SDK1: variants seen among roughly 807,000 people sequenced by gnomAD.
The protein encoded by SDK1 is sidekick cell adhesion molecule 1.
Under a neutral mutation model 245.5 loss-of-function variants are expected in SDK1, and 157 were observed. The ratio of observed to expected loss-of-function variants is 0.64; its 90% CI spans 0.56 to 0.73. SDK1 has a LOEUF of 0.73. SDK1 is among the 30% of genes least tolerant of loss of function. The probability of loss-of-function intolerance (pLI) is 0.00; values close to 1 mark genes in which losing one functional copy is unlikely to be tolerated. For synonymous variants in SDK1, 1,647 were observed against 1,278.5 expected, an observed-to-expected ratio of 1.29 and a Z score of -6.15; for missense variants, 3,583 against 3,002.3, an observed-to-expected ratio of 1.19 and a Z score of -4.52.
At chr7:4,126,320 T>A (rs764407604) in intron 25 of SDK1, among the ~76,000 whole-genome samples, 14 of 152,238 alleles carry the variant, frequency 9.2e-5, no homozygotes, top group Non-Finnish European at 2.1e-4. Flanking sequence ...GTTTTTAAAG[T>A]TTCACTGCTT....
At chr7:3,405,829 T>TC (rs1779038865) in intron 1 of SDK1, among the ~76,000 whole-genome samples, 1 of 150,602 alleles carries the variant, frequency 6.6e-6, no homozygotes, top group South Asian at 2.1e-4. Flanking sequence ...TTTTTTTTTT[T>TC]TTTGAGAGAG....
intron 1 of SDK1, among the ~76,000 whole-genome samples, chr7:3,574,308 G>A (rs1780216204): frequency 6.6e-6 from 1 of 151,872 alleles, no homozygotes; most frequent in South Asian, 2.1e-4. Context: ...AGTAGAGACA[G>A]GGTTTCACCA....
intron 1 of SDK1, among the ~76,000 whole-genome samples, chr7:3,447,929 C>T (rs752776952): frequency 6.6e-6 from 1 of 151,568 alleles, no homozygotes; most frequent in African/African-American, 2.4e-5. Context: ...GTCTCGAATT[C>T]CCGAGCTCAG....
chr7:3,939,682 T>C (rs1780285902), intron 5 of SDK1, among the ~76,000 whole-genome samples: 1 of 152,178 alleles, frequency 6.6e-6, no homozygotes, highest in Admixed American at 6.5e-5. Flanking sequence ...CATATATATG[T>C]GTATGTATAT....
intron 4 of SDK1, among the ~76,000 whole-genome samples, chr7:3,775,154 G>A (rs1359706941): frequency 6.6e-6 from 1 of 152,200 alleles, no homozygotes; most frequent in African/African-American, 2.4e-5. Flanking sequence ...TGTTCTGAAT[G>A]TGCTATTGGT....
chr7:3,403,190 T>C (rs1177037971), intron 1 of SDK1, among the ~76,000 whole-genome samples: 1 of 152,182 alleles, frequency 6.6e-6, no homozygotes, highest in Admixed American at 6.5e-5. Context: ...CGCCTTAGCC[T>C]CCCAAAGTGT....
chr7:4,092,836 G>T (rs563046092), intron 22 of SDK1, among the ~76,000 whole-genome samples: 1 of 152,318 alleles, frequency 6.6e-6, no homozygotes, highest in Admixed American at 6.5e-5. Context: ...CTGTGAACGT[G>T]AGCCCAGGCG....
intron 1 of SDK1, among the ~76,000 whole-genome samples, chr7:3,520,548 C>G (rs1439290149): frequency 2.0e-4 from 30 of 152,174 alleles, no homozygotes; most frequent in Admixed American, 1.8e-3. Flanking sequence ...AAATCTCTTA[C>G]TTATATCAAA....
At chr7:3,411,703 T>G (rs1322525674) in intron 1 of SDK1, among the ~76,000 whole-genome samples, 1 of 152,084 alleles carries the variant, frequency 6.6e-6, no homozygotes. Context: ...TTATTCATAC[T>G]AATTCTCATT....
chr7:3,989,602 G>A (rs994049398), intron 14 of SDK1, among the ~76,000 whole-genome samples: 1 of 152,108 alleles, frequency 6.6e-6, no homozygotes, highest in African/African-American at 2.4e-5. Context: ...CCTGTTTTCA[G>A]GACACCTAGG....
At chr7:3,399,846 A>G (rs1778839643) in intron 1 of SDK1, among the ~76,000 whole-genome samples, 1 of 152,010 alleles carries the variant, frequency 6.6e-6, no homozygotes, top group South Asian at 2.1e-4. Context: ...TGGACATCTC[A>G]TTTCACAGGT....
chr7:4,193,123 A>G (rs1783310114), intron 35 of SDK1, among the ~76,000 whole-genome samples: 1 of 134,810 alleles, frequency 7.4e-6, no homozygotes, highest in Non-Finnish European at 1.5e-5. Context: ...TAAAATATAT[A>G]TAATATATAA....
chr7:3,589,055 T>C (rs1780776849), intron 1 of SDK1, among the ~76,000 whole-genome samples: 1 of 152,212 alleles, frequency 6.6e-6, no homozygotes, highest in African/African-American at 2.4e-5. Context: ...CTAACAGCTG[T>C]TTTACGGACA....
At chr7:3,469,025 C>A (rs566597997) in intron 1 of SDK1, among the ~76,000 whole-genome samples, 1 of 152,086 alleles carries the variant, frequency 6.6e-6, no homozygotes, top group African/African-American at 2.4e-5. Context: ...GGCTTAAAGG[C>A]CAGTTTTTGC....
Position 3,619,164 on chromosome 7 carries a change from C to A in SDK1, c.383C>A (p.Ala128Asp), listed in dbSNP as rs776588985. ...AACCGCCTTGTTCTCACCTGCCTTGCCGAAGGGAGCTGGCCTTTGGAGTTC... is the reference window on the plus strand; with the variant it reads ...AACCGCCTTGTTCTCACCTGCCTTGACGAAGGGAGCTGGCCTTTGGAGTTC... Reference protein sequence around the residue: ...EGNRLVLTCLAEGSWPLEFKW... With the variant: ...EGNRLVLTCLDEGSWPLEFKW... Residue 128 changes from alanine (A) to aspartate (D), a missense_variant, in exon 2 of 45, where the codon GCC becomes GAC. By Grantham distance (126) the Ala-to-Asp change is moderately radical (BLOSUM62 -2). Transcript: ENST00000404826. 2 of 1,613,620 alleles carry A rather than the reference C, an allele frequency of 1.2e-6. No individual in the cohort carries two copies. The highest frequency in any genetic ancestry group is 1.7e-5 in the Admixed American group (1 of 59,988).
chr7:3,925,887 T>C lies in SDK1; in HGVS notation c.848-25036T>C, dbSNP rs73674346. On this transcript the variant is annotated intron_variant, in intron 5 of 44. Coordinates refer to ENST00000404826, the MANE Select transcript of SDK1 (RefSeq NM_152744.4). Reference sequence around the variant, plus strand: ...CATTGATGAAACGGAAATTATCTTTTGGAATTGTGCTGTTAACAATACTCT... The same window carrying C: ...CATTGATGAAACGGAAATTATCTTTCGGAATTGTGCTGTTAACAATACTCT... Among the ~76,000 whole-genome samples, 823 of 152,270 alleles carry C rather than the reference T, an allele frequency of 5.4e-3. 6 individuals are homozygous for C. The highest frequency in any genetic ancestry group is 0.018 in the African/African-American group (767 of 41,550).
chr7:3,394,978 A>G (rs1658020707), intron 1 of SDK1, among the ~76,000 whole-genome samples: 1 of 152,024 alleles, frequency 6.6e-6, no homozygotes, highest in African/African-American at 2.4e-5. Flanking sequence ...TTTCTTTACA[A>G]ACCGAATGTC....
chr7:4,210,446 G>A (rs1784454194), intron 38 of SDK1, among the ~76,000 whole-genome samples: 1 of 152,156 alleles, frequency 6.6e-6, no homozygotes, highest in South Asian at 2.1e-4. Context: ...ATATGCCCTT[G>A]ATCCTGTCTC....
chr7:3,700,408 A>G (rs1784707043), intron 4 of SDK1, among the ~76,000 whole-genome samples: 1 of 152,232 alleles, frequency 6.6e-6, no homozygotes. Flanking sequence ...GGAGATGTTT[A>G]TGACAGTCAT....
Sources: gnomAD v4.1 joint callset for allele counts (sites outside exome capture counted in the v4.1 genomes callset) on GRCh38, gnomAD v4.1.1 for gene constraint, MANE v1.5 for transcripts, NCBI Gene and HGNC (gene_info 2026-07-23, HGNC 2026-07-21) for gene names.